Variants in SUCO observed in about 807,000 individuals in gnomAD.
SUCO encodes the protein SUN domain containing ossification factor.
In SUCO, 57 loss-of-function variants were observed where a neutral mutation model predicts 148.1. The ratio of observed to expected loss-of-function variants is 0.38; its 90% CI spans 0.31 to 0.48. The LOEUF (loss-of-function observed/expected upper bound fraction) is 0.48. Among genes scored for constraint, SUCO ranks in the 20% least tolerant of loss-of-function variants. The pLI is 0.96. For synonymous variants in SUCO, 470 were observed against 502.7 expected (o/e 0.93, Z 0.87); for missense variants, 1,331 against 1,468.2 (o/e 0.91, Z 1.53).
Position 172,609,897 on chromosome 1 carries a change from A to G in SUCO, c.3403A>G (p.Ile1135Val). ...EPLHPIANGD[I>V]KGRKPFTNQR... ...ATTGCACCCCATAGCCAATGGCGAC[A>G]TAAAAGGAAGAAAGCCCTTTACGAA... The change falls in exon 24 of 24, where the codon ATA becomes GTA. Residue 1135 changes from isoleucine (I) to valine (V), a missense_variant. Around this residue, in one of 3 missense-constraint regions of SUCO, gnomAD observed 334 missense variants for 352.3 expected, o/e 0.95. Coordinates refer to ENST00000263688, the MANE Select transcript of SUCO (RefSeq NM_014283.5). 1 of 1,613,914 alleles carries G rather than the reference A, an allele frequency of 6.2e-7. No individual in the cohort carries two copies. Among genetic ancestry groups the G allele is most frequent in the Non-Finnish European group, 8.5e-7 (1 of 1,179,832 alleles).
At chr1:172,569,346 C>A in intron 7 of SUCO, 1 of 949,518 alleles carries the variant, frequency 1.1e-6, no homozygotes, top group Middle Eastern at 5.4e-4. Context: ...AATTAAAATC[C>A]ATTCTTGTAA....
chr1:172,601,910 A>G (rs1558214452), intron 20 of SUCO, 154 bp from the exon 21 acceptor site: 1 of 334,112 alleles, frequency 3.0e-6, no homozygotes, highest in African/African-American at 2.2e-5. Context: ...CTTTAATGTC[A>G]TAGTTTATTT....
In SUCO at chr1:172,551,515, T is replaced by C; in HGVS notation, c.66T>C (p.Leu22=). 1 of 1,593,386 alleles carries C rather than the reference T, an allele frequency of 6.3e-7. No homozygotes were observed. Among genetic ancestry groups the C allele is most frequent in the African/African-American group, 1.4e-5 (1 of 73,908 alleles). Residue 22 remains leucine, a synonymous_variant, in exon 2 of 24, where the codon CTT becomes CTC. Transcript: ENST00000263688. ...GGTGGTGGTGGGTGTTTTACAGGCT[T>C]CCCAGCTGGCGTGTATGTTGTAAAG... ...SCLFLCSLVW[L]PSWRVCCKES...
In SUCO at chr1:172,591,532, T is replaced by C. The variant is rs906413937; in HGVS notation, c.2913+461T>C. 5.9e-4 allele frequency among the ~76,000 whole-genome samples: 89 copies of C among 150,908 alleles called. 2 individuals carry two copies. The highest frequency in any genetic ancestry group is 2.1e-3 in the African/African-American group (86 of 41,106). ...CCTATGAGTGAGAATGTGCAGTGTTTGGTTTTCTGTCCTTGTGATAGTTTG... is the reference window on the plus strand; with the variant it reads ...CCTATGAGTGAGAATGTGCAGTGTTCGGTTTTCTGTCCTTGTGATAGTTTG... On this transcript the variant is annotated intron_variant, in intron 19 of 23. Transcript: ENST00000263688.
chr1:172,608,651 G>C, intron 22 of SUCO, 96 bp from the exon 23 acceptor site: 1 of 822,742 alleles, frequency 1.2e-6, no homozygotes. Context: ...GGATAATAAG[G>C]AATGAATGAT....
At chr1:172,579,478 G>A (rs776817260) in intron 15 of SUCO, among the ~76,000 whole-genome samples, 1 of 152,002 alleles carries the variant, frequency 6.6e-6, no homozygotes, top group Non-Finnish European at 1.5e-5. Context: ...CGTAATAAAG[G>A]TGTTTCTTCT....
chr1:172,538,697 C>T (rs770184348), intron 1 of SUCO, among the ~76,000 whole-genome samples: 15 of 151,852 alleles, frequency 9.9e-5, no homozygotes, highest in Non-Finnish European at 2.2e-4. Context: ...TGAAAGATGA[C>T]CTTTACAAAA....
chr1:172,556,185 G>A (rs901764570), intron 4 of SUCO, among the ~76,000 whole-genome samples, 162 bp downstream of exon 4: 5 of 152,126 alleles, frequency 3.3e-5, no homozygotes, highest in Middle Eastern at 3.2e-3. Flanking sequence ...GTGTGCATGC[G>A]TTTGTGTGTT....
intron 2 of SUCO, 171 bp downstream of exon 2, chr1:172,551,797 ATTT>A (rs1653322472): frequency 1.8e-6 from 1 of 543,442 alleles, no homozygotes; most frequent in African/African-American, 1.9e-5. Flanking sequence ...GCTCAGAGAT[ATTT>A]ATATGTTTAT....
chr1:172,562,228 A>G (rs1275861016), intron 6 of SUCO, among the ~76,000 whole-genome samples: 1 of 152,248 alleles, frequency 6.6e-6, no homozygotes, highest in East Asian at 1.9e-4. Context: ...AAAGAGTTAA[A>G]TGAATCTGAG....
Position 172,533,430 on chromosome 1 carries a change from G to T in SUCO, c.-6G>T. The T allele has an allele frequency of 1.3e-6, 2 of 1,559,744 alleles. No individual in the cohort carries two copies. Among genetic ancestry groups the T allele is most frequent in the East Asian group, 2.4e-5 (1 of 41,652 alleles). On this transcript the variant is annotated 5_prime_UTR_variant, in exon 1 of 24. Coordinates refer to ENST00000263688, the MANE Select transcript of SUCO (RefSeq NM_014283.5). ...GCCTTCTGGCAGGGGGAAGAAGGAG[G>T]AGAAGATGAAGAAGCACCGGCGGGC...
intron 14 of SUCO, among the ~76,000 whole-genome samples, chr1:172,578,932 A>C (rs1161288774): frequency 6.6e-6 from 1 of 152,058 alleles, no homozygotes; most frequent in South Asian, 2.1e-4. Flanking sequence ...GAGTTGGTAA[A>C]GTATATTGAA....
intron 4 of SUCO, chr1:172,556,683 A>G (rs1363158437): frequency 2.0e-6 from 2 of 985,006 alleles, no homozygotes; most frequent in African/African-American, 3.5e-5. Context: ...TATTATGGTT[A>G]CCATTTAGAA....
At chr1:172,536,515 T>C (rs561074600) in intron 1 of SUCO, among the ~76,000 whole-genome samples, 68 of 152,326 alleles carry the variant, frequency 4.5e-4, no homozygotes, top group African/African-American at 1.6e-3. Flanking sequence ...ATACCTACTG[T>C]GCCAGATGTT....
chr1:172,541,879 A>T, intron 1 of SUCO: 2 of 973,898 alleles, frequency 2.1e-6, no homozygotes. Flanking sequence ...TGAGAAAAGA[A>T]ATGTTAAGCA....
At chr1:172,569,578 G>C in intron 7 of SUCO, 1 of 884,798 alleles carries the variant, frequency 1.1e-6, no homozygotes, top group Middle Eastern at 5.7e-4. Context: ...GGCAGAGGAG[G>C]GTGACTAAAA....
At chr1:172,597,815 C>G (rs536925925) in intron 19 of SUCO, among the ~76,000 whole-genome samples, 2 of 152,084 alleles carry the variant, frequency 1.3e-5, no homozygotes, top group Non-Finnish European at 2.9e-5. Flanking sequence ...CCTTATACTG[C>G]GGAGTTTTGT....
At chr1:172,535,710 A>G (rs751542779) in intron 1 of SUCO, among the ~76,000 whole-genome samples, 6 of 152,272 alleles carry the variant, frequency 3.9e-5, no homozygotes, top group Non-Finnish European at 7.4e-5. Context: ...AATTGTCTCA[A>G]AATTTTGTGA....
rs57628123 is a variant in SUCO, at chr1:172,594,615, T to C, written c.2913+3544T>C. Among the ~76,000 whole-genome samples the C allele has an allele frequency of 6.1e-3, 932 of 152,342 alleles. 9 individuals carry two copies. Among genetic ancestry groups the C allele is most frequent in the African/African-American group, 0.021 (893 of 41,568 alleles). Reference sequence around the variant, plus strand: ...TTGAGTGAGTTTCTTAATCCTGAGTTCTAATTCGATTGCACTGTGGTCTGA... The same window carrying C: ...TTGAGTGAGTTTCTTAATCCTGAGTCCTAATTCGATTGCACTGTGGTCTGA... On this transcript the variant is annotated intron_variant, in intron 19 of 23. Transcript: ENST00000263688.
Sources: allele counts gnomAD v4.1 joint callset (sites outside exome capture counted in the v4.1 genomes callset), GRCh38; gene constraint gnomAD v4.1.1; regional missense constraint gnomAD v4.1.1; transcripts MANE v1.5; gene names NCBI Gene and HGNC (gene_info 2026-07-23, HGNC 2026-07-21).